The following ADAMTS2 variants were observed in gnomAD, a reference collection of about 807,000 sequenced individuals.
ADAMTS2 encodes the protein ADAM metallopeptidase with thrombospondin type 1 motif 2.
A neutral mutation model predicts 123.0 loss-of-function variants in ADAMTS2; 50 were observed. The ratio of observed to expected loss-of-function variants is 0.41; its 90% CI spans 0.32 to 0.51. ADAMTS2 has a LOEUF of 0.51. ADAMTS2 is among the 20% of genes least tolerant of loss of function. ADAMTS2 has a pLI of 0.35. For synonymous variants in ADAMTS2, 678 were observed against 695.4 expected (o/e 0.98, Z 0.39); for missense variants, 1,494 against 1,705.2 (o/e 0.88, Z 2.18).
At chr5:179,156,723 T>G (rs1024199869) in intron 6 of ADAMTS2, among the ~76,000 whole-genome samples, 1 of 152,234 alleles carries the variant, frequency 6.6e-6, no homozygotes, top group African/African-American at 2.4e-5. Flanking sequence ...TGTTGTTCTC[T>G]AATTTTTCAT....
At position 179,111,888 on chromosome 5, in the gene ADAMTS2, T is replaced by G. The variant is rs759615846; in HGVS notation, c.*1979A>C. 2 of 152,270 alleles carry G rather than the reference T, an allele frequency of 1.3e-5. No homozygotes were observed. Among genetic ancestry groups the G allele is most frequent in the Non-Finnish European group, 2.9e-5 (2 of 68,060 alleles). 9.4% of individuals were successfully genotyped at this position (152,270 alleles called of 1,614,324 possible). ...TTGCACACATGCTCTAAACCACATC[T>G]TCTTAAGGAAGGGGTACTATGAGAG... On this transcript the variant is annotated 3_prime_UTR_variant, in exon 22 of 22. Coordinates refer to ENST00000251582, the MANE Select transcript of ADAMTS2 (RefSeq NM_014244.5).
rs75429810 is a variant in ADAMTS2, at chr5:179,307,160, G to A, written c.535-34096C>T. On this transcript the variant is annotated intron_variant, in intron 2 of 21. Coordinates refer to ENST00000251582, the MANE Select transcript of ADAMTS2 (RefSeq NM_014244.5). The surrounding 1 kb of genome is among the most constrained non-coding windows in gnomAD (Gnocchi z 5.6). ...ACCCTCGCCCTGCTAGCATGAGACA[G>A]ACACAGGGGGCCCGCACTGCAGAGC... Among the ~76,000 whole-genome samples, 3,782 of 152,260 alleles carry A rather than the reference G, an allele frequency of 0.025. 175 individuals are homozygous for A. The highest frequency in any genetic ancestry group is 0.086 in the African/African-American group (3,575 of 41,554).
chr5:179,286,629 CAGG>C (rs1383944983), intron 2 of ADAMTS2, among the ~76,000 whole-genome samples: 9 of 152,158 alleles, frequency 5.9e-5, no homozygotes, highest in Admixed American at 5.9e-4. Context: ...CCACATCCAC[CAGG>C]AGATGCTGCC....
chr5:179,156,652 C>T (rs931907993), intron 6 of ADAMTS2, among the ~76,000 whole-genome samples: 5 of 152,128 alleles, frequency 3.3e-5, no homozygotes, highest in African/African-American at 1.2e-4. Context: ...GCCACCGCGC[C>T]CCGTCTACCT....
At chr5:179,205,205 G>C (rs973641687) in intron 4 of ADAMTS2, among the ~76,000 whole-genome samples, 7 of 152,194 alleles carry the variant, frequency 4.6e-5, no homozygotes, top group Non-Finnish European at 1.0e-4. Context: ...GAGAAAGGTT[G>C]ATCTGCCTCT....
chr5:179,192,058 T>A (rs1375559452), intron 4 of ADAMTS2, among the ~76,000 whole-genome samples: 3 of 152,032 alleles, frequency 2.0e-5, no homozygotes, highest in Admixed American at 6.6e-5. Flanking sequence ...AGAGCAAAGC[T>A]GAGGAGGACT....
chr5:179,152,540 G>A (rs1196702351), intron 9 of ADAMTS2, among the ~76,000 whole-genome samples: 1 of 152,156 alleles, frequency 6.6e-6, no homozygotes, highest in African/African-American at 2.4e-5. Context: ...GCCAGCCTGA[G>A]GCTAGGTGGG....
Position 179,158,604 on chromosome 5 carries a change from C to T in ADAMTS2, c.1132+119G>A, listed in dbSNP as rs112481590. 1,260 of 1,395,248 alleles carry T rather than the reference C, an allele frequency of 9.0e-4. 10 individuals carry two copies. In the African/African-American group the frequency reaches 0.015, roughly 17 times the overall value. The allele number at this position is 1,395,248 out of a possible 1,614,324, so 86.4% of individuals were successfully genotyped here. A position where few individuals can be genotyped will look rare whatever the true frequency, so the allele number is the denominator to read the frequency against. ...CACCCTCACCCAGCTAAGGTGGCCA[C>T]GGCCTTCCCTGCCCTGACACTCTTC... On this transcript the variant is annotated intron_variant, in intron 6 of 21. Coordinates refer to ENST00000251582, the MANE Select transcript of ADAMTS2 (RefSeq NM_014244.5). The surrounding 1 kb of genome is among the most constrained non-coding windows in gnomAD (Gnocchi z 5.0).
chr5:179,260,520 A>G lies in ADAMTS2; in HGVS notation c.688+12391T>C, dbSNP rs1766190190. ...CTCTGTCCAACAAACAGATGGGGTCACAGGCTACCGGGTTTTGCCAGCCCA... is the reference window on the plus strand; with the variant it reads ...CTCTGTCCAACAAACAGATGGGGTCGCAGGCTACCGGGTTTTGCCAGCCCA... On this transcript the variant is annotated intron_variant, in intron 3 of 21. Coordinates refer to ENST00000251582, the MANE Select transcript of ADAMTS2 (RefSeq NM_014244.5). The surrounding 1 kb of genome is among the most constrained non-coding windows in gnomAD (Gnocchi z 4.2). Among the ~76,000 whole-genome samples, 1 of 152,150 alleles carries G rather than the reference A, an allele frequency of 6.6e-6. No individual in the cohort carries two copies. Among genetic ancestry groups the G allele is most frequent in the Non-Finnish European group, 1.5e-5 (1 of 68,032 alleles).
intron 3 of ADAMTS2, among the ~76,000 whole-genome samples, chr5:179,216,244 C>T (rs535350436): frequency 3.9e-5 from 6 of 152,308 alleles, no homozygotes; most frequent in South Asian, 2.1e-4. Context: ...GCGTGACCCA[C>T]GGGGTGAACT....
chr5:179,344,700 C>T (rs944380099), intron 1 of ADAMTS2, among the ~76,000 whole-genome samples: 1 of 152,218 alleles, frequency 6.6e-6, no homozygotes, highest in Non-Finnish European at 1.5e-5. Context: ...CAGCCCGCTG[C>T]CGGCCCCGTC....
intron 2 of ADAMTS2, among the ~76,000 whole-genome samples, chr5:179,277,387 CCCCCCCCCGAGACCAAAGGCTGA>C (rs1561674976): frequency 8.0e-4 from 5 of 6,244 alleles, no homozygotes; most frequent in African/African-American, 1.4e-3. Flanking sequence ...AAAGGCTGAC[CCCCCCCCCGAGACCAAAGGCTGA>C]CCCCCCGCGA....
Position 179,113,656 on chromosome 5 carries a change from A to C in ADAMTS2, c.*211T>G. On this transcript the variant is annotated 3_prime_UTR_variant, in exon 22 of 22. Transcript: ENST00000251582. Reference sequence around the variant, plus strand: ...ACTGCACACCTGACGCCACCACAGTATTTGGTCGCTCCTGGGCTGGGAAGC... The same window carrying C: ...ACTGCACACCTGACGCCACCACAGTCTTTGGTCGCTCCTGGGCTGGGAAGC... 8.4e-6 allele frequency: 5 copies of C among 593,552 alleles called. No homozygotes were observed. Among genetic ancestry groups the C allele is most frequent in the East Asian group, 2.9e-5 (1 of 34,050 alleles). The allele number at this position is 593,552 out of a possible 1,614,324, so 36.8% of individuals were successfully genotyped here. A position where few individuals can be genotyped will look rare whatever the true frequency, so the allele number is the denominator to read the frequency against.
chr5:179,195,166 G>T (rs1329237130), intron 4 of ADAMTS2, among the ~76,000 whole-genome samples: 1 of 152,210 alleles, frequency 6.6e-6, no homozygotes, highest in African/African-American at 2.4e-5. Context: ...AGCTCCCCCA[G>T]TGCAGGGATG....
chr5:179,273,126 G>T lies in ADAMTS2; in HGVS notation c.535-62C>A, dbSNP rs569950341. The T allele has an allele frequency of 9.9e-5, 160 of 1,610,710 alleles. No individual in the cohort carries two copies. In the African/African-American group the frequency reaches 1.8e-3, roughly 18 times the overall value. The stretch of plus-strand genomic sequence containing the variant: ...CACAAAAGACCAAGGAAGGGGAACA[G>T]CGAGGAGACCCCCTCAGGGAGTACC... On this transcript the variant is annotated intron_variant, in intron 2 of 21. Transcript: ENST00000251582.
In ADAMTS2 at chr5:179,205,912, C is replaced by T. The variant is rs1007273916; in HGVS notation, c.891+1601G>A. Among the ~76,000 whole-genome samples the T allele has an allele frequency of 3.3e-5, 5 of 152,148 alleles. No individual in the cohort carries two copies. The East Asian group carries it at 5.8e-4, about 18-fold the overall frequency. Reference sequence around the variant, plus strand: ...TCAGCCTCCTGAGTAGCTGGGACTACAGGCGCCCGCCACCACGCCCGGCTA... The same window carrying T: ...TCAGCCTCCTGAGTAGCTGGGACTATAGGCGCCCGCCACCACGCCCGGCTA... On this transcript the variant is annotated intron_variant, in intron 4 of 21. Transcript: ENST00000251582.
At chr5:179,214,079 C>T (rs1461436328) in intron 3 of ADAMTS2, among the ~76,000 whole-genome samples, 2 of 152,038 alleles carry the variant, frequency 1.3e-5, no homozygotes, top group East Asian at 1.9e-4. Context: ...AACTCAAAAG[C>T]CGTGCCCACA....
Position 179,257,602 on chromosome 5 carries a change from C to T in ADAMTS2, c.688+15309G>A, listed in dbSNP as rs1023866638. ...CTGATGCGCTACAGATGGGCTTCAT[C>T]GCTGCCTCCAAGAACAACAGGACGA... is the stretch of plus-strand genomic sequence containing the variant. On this transcript the variant is annotated intron_variant, in intron 3 of 21. Coordinates refer to ENST00000251582, the MANE Select transcript of ADAMTS2 (RefSeq NM_014244.5). 7.9e-5 allele frequency among the ~76,000 whole-genome samples: 12 copies of T among 152,340 alleles called. No homozygotes were observed. In the East Asian group the frequency reaches 1.7e-3, roughly 22 times the overall value.
At chr5:179,149,128 T>A (rs1407422695) in intron 10 of ADAMTS2, among the ~76,000 whole-genome samples, 1 of 152,014 alleles carries the variant, frequency 6.6e-6, no homozygotes, top group Non-Finnish European at 1.5e-5. Flanking sequence ...GTGGCCTGAG[T>A]GCGTGTGTCC....
Sources: allele counts gnomAD v4.1 joint callset (sites outside exome capture counted in the v4.1 genomes callset), GRCh38; gene constraint gnomAD v4.1.1; non-coding constraint Gnocchi (gnomAD v3.1); transcripts MANE v1.5; gene names NCBI Gene and HGNC (gene_info 2026-07-23, HGNC 2026-07-21).